Variants in MAP3K20 observed in about 807,000 individuals in gnomAD.
MAP3K20 encodes the protein mitogen-activated protein kinase kinase kinase 20.
MAP3K20 carries 40 observed loss-of-function variants against 85.7 expected under a neutral mutation model. The ratio of observed to expected loss-of-function variants is 0.47; its 90% CI spans 0.36 to 0.61. The LOEUF is 0.61. Ranked by LOEUF, MAP3K20 falls within the 20% of genes least tolerant of loss-of-function variation. The probability of loss-of-function intolerance (pLI) is 0.00; values close to 1 mark genes in which losing one functional copy is unlikely to be tolerated. For synonymous variants in MAP3K20, 325 were observed against 327.7 expected, an observed-to-expected ratio of 0.99 and a Z score of 0.09; for missense variants, 817 against 961.7, an observed-to-expected ratio of 0.85 and a Z score of 1.99.
chr2:173,126,555 T>A (rs1228762763), intron 2 of MAP3K20, among the ~76,000 whole-genome samples: 1 of 152,102 alleles, frequency 6.6e-6, no homozygotes, highest in African/African-American at 2.4e-5. Flanking sequence ...AATTTTCATA[T>A]TTTTAGTAGA....
At chr2:173,200,744 A>G (rs1691028086) in intron 8 of MAP3K20, among the ~76,000 whole-genome samples, 1 of 152,106 alleles carries the variant, frequency 6.6e-6, no homozygotes, top group East Asian at 1.9e-4. Context: ...TGCCACCATT[A>G]TCATACCACT....
intron 3 of MAP3K20, among the ~76,000 whole-genome samples, chr2:173,176,780 C>T (rs1249155873): frequency 2.0e-5 from 3 of 152,012 alleles, no homozygotes; most frequent in Non-Finnish European, 4.4e-5. Context: ...TAACCAGATC[C>T]AATTATGTAC....
intron 2 of MAP3K20, among the ~76,000 whole-genome samples, chr2:173,149,735 G>A (rs1008402315): frequency 1.3e-5 from 2 of 152,054 alleles, no homozygotes; most frequent in African/African-American, 4.8e-5. Context: ...TCATCTCCGC[G>A]CATCCTCCCC....
chr2:173,198,412 G>A lies in MAP3K20; in HGVS notation c.669+300G>A, dbSNP rs985375051. ...TCTTAGTGATGAAAGAAGCCATTGC[G>A]TCCAAGGTAGGGGAACAGTTTAACT... is the stretch of plus-strand genomic sequence containing the variant. On this transcript the variant is annotated intron_variant, in intron 8 of 19. Transcript: ENST00000375213. This position sits in a 1 kb window ranked among gnomAD's most constrained non-coding sequence, Gnocchi z 5.8. 2 of 190,668 alleles carry A rather than the reference G, an allele frequency of 1.0e-5. No homozygotes were observed. The highest frequency in any genetic ancestry group is 1.0e-4 in the South Asian group (1 of 9,712). The allele number at this position is 190,668 out of a possible 1,614,324, so 11.8% of individuals were successfully genotyped here.
chr2:173,219,374 C>T (rs1574127349), intron 11 of MAP3K20, among the ~76,000 whole-genome samples: 1 of 152,270 alleles, frequency 6.6e-6, no homozygotes, highest in Middle Eastern at 3.4e-3. Flanking sequence ...ATCCTTTATG[C>T]ATAAATATGG....
In MAP3K20 at chr2:173,209,769, C is replaced by A. The variant is rs767949692; in HGVS notation, c.785C>A (p.Ser262Tyr). The A allele has an allele frequency of 1.2e-5, 19 of 1,613,478 alleles. No homozygotes were observed. Among genetic ancestry groups the A allele is most frequent in the Non-Finnish European group, 1.5e-5 (18 of 1,179,820 alleles). ...SFKQIISILE[S>Y]MSNDTSLPDK... ...AAGCAAATCATTTCAATCCTGGAGT[C>A]CATGTCAAATGACACGAGCCTTCCT... The change falls in exon 10 of 20, where the codon TCC becomes TAC. Residue 262 changes from serine (S) to tyrosine (Y), a missense_variant. Around this residue, in one of 4 missense-constraint regions of MAP3K20, gnomAD observed 158 missense variants for 162.0 expected, o/e 0.98. Coordinates refer to ENST00000375213, the MANE Select transcript of MAP3K20 (RefSeq NM_016653.3).
chr2:173,098,150 A>G (rs926072396), intron 2 of MAP3K20, among the ~76,000 whole-genome samples: 28 of 152,214 alleles, frequency 1.8e-4, no homozygotes, highest in African/African-American at 5.8e-4. Context: ...ATACAAATAA[A>G]AATTAATTAT....
intron 11 of MAP3K20, 29 bp downstream of exon 11, chr2:173,217,279 C>G: frequency 1.3e-6 from 2 of 1,518,254 alleles, no homozygotes; most frequent in Non-Finnish European, 1.8e-6. Context: ...CGCCGTCTTT[C>G]CACATGCGGC....
intron 5 of MAP3K20, 73 bp from the exon 6 acceptor site, chr2:173,190,822 T>C: frequency 7.7e-7 from 1 of 1,302,346 alleles, no homozygotes; most frequent in Admixed American, 2.1e-5. Context: ...TAGAAGTTTA[T>C]GGTTTTTTTC....
chr2:173,096,163 A>G (rs1343159926), intron 2 of MAP3K20, among the ~76,000 whole-genome samples: 2 of 152,148 alleles, frequency 1.3e-5, no homozygotes, highest in Admixed American at 6.5e-5. Flanking sequence ...TTCATCCTGT[A>G]TATTGTTCCT....
At chr2:173,144,323 C>T (rs1009835776) in intron 2 of MAP3K20, among the ~76,000 whole-genome samples, 2 of 151,394 alleles carry the variant, frequency 1.3e-5, no homozygotes, top group East Asian at 1.9e-4. Context: ...ATTAGCCGGG[C>T]GTGGTGGTGG....
intron 4 of MAP3K20, 28 bp downstream of exon 4, chr2:173,182,983 A>T (rs1411107322): frequency 1.7e-5 from 26 of 1,553,336 alleles, no homozygotes; most frequent in Non-Finnish European, 2.3e-5. Context: ...ATTCTTATAG[A>T]ATTAGTGGGG....
Position 173,221,227 on chromosome 2 carries a change from G to A in MAP3K20, c.987+3977G>A, listed in dbSNP as rs182244951. The stretch of plus-strand genomic sequence containing the variant: ...AAACAGAGGAGTCAAACAGTGCAGA[G>A]ATGTCATGTCAGATCACAGCAACAA... On this transcript the variant is annotated intron_variant, in intron 11 of 19. Transcript: ENST00000375213. 588 of 1,613,388 alleles carry A rather than the reference G, an allele frequency of 3.6e-4. No homozygotes were observed. The East Asian group carries it at 0.012, about 33-fold the overall frequency.
rs1263354506 is a variant in MAP3K20, at chr2:173,096,712, T to C, written c.159+5522T>C. On this transcript the variant is annotated intron_variant, in intron 2 of 19. Transcript: ENST00000375213. ...TAATTTTCCACTCTCAATATGTGGC[T>C]GTAGAGTGTTTAATGTTTACTTTCA... Among the ~76,000 whole-genome samples the C allele has an allele frequency of 2.0e-5, 3 of 152,246 alleles. No individual in the cohort carries two copies. In the East Asian group the frequency reaches 5.8e-4, roughly 29 times the overall value.
chr2:173,259,823 T>C (rs1685245727), intron 17 of MAP3K20, among the ~76,000 whole-genome samples: 1 of 152,236 alleles, frequency 6.6e-6, no homozygotes, highest in African/African-American at 2.4e-5. Context: ...TCTTATTTTG[T>C]CAGGACACAG....
intron 3 of MAP3K20, among the ~76,000 whole-genome samples, chr2:173,170,105 A>G (rs1160705753): frequency 6.6e-6 from 1 of 152,228 alleles, no homozygotes; most frequent in Non-Finnish European, 1.5e-5. Context: ...TGCTAATTAT[A>G]TCTGCGTAAA....
chr2:173,116,770 C>G (rs1017140938), intron 2 of MAP3K20, among the ~76,000 whole-genome samples: 3 of 152,212 alleles, frequency 2.0e-5, no homozygotes, highest in African/African-American at 7.2e-5. Context: ...GCTACACTTC[C>G]CTTCAGCTAC....
chr2:173,238,256 C>T, intron 14 of MAP3K20, 117 bp from the exon 15 acceptor site: 2 of 800,604 alleles, frequency 2.5e-6, no homozygotes, highest in Non-Finnish European at 4.0e-6. Flanking sequence ...GATATAAATG[C>T]CCCCAAGATA....
At chr2:173,261,288 C>A in intron 18 of MAP3K20, 151 bp downstream of exon 18, 3 of 740,636 alleles carry the variant, frequency 4.1e-6, no homozygotes, top group Non-Finnish European at 4.2e-6. Flanking sequence ...ATAGGAAGAT[C>A]AATATAATTT....
Sources: allele counts gnomAD v4.1 joint callset (sites outside exome capture counted in the v4.1 genomes callset), GRCh38; gene constraint gnomAD v4.1.1; regional missense constraint gnomAD v4.1.1; non-coding constraint Gnocchi (gnomAD v3.1); transcripts MANE v1.5; gene names NCBI Gene and HGNC (gene_info 2026-07-23, HGNC 2026-07-21).